The following ENTREP2 variants were observed in gnomAD, a reference collection of about 807,000 sequenced individuals.
The protein encoded by ENTREP2 is protein ENTREP2.
chr15:29,167,249 A>G, the ENTREP2 span, among the ~76,000 whole-genome samples: 13 of 152,234 alleles, frequency 8.5e-5, no homozygotes, highest in African/African-American at 2.7e-4. Context: ...CCTTCTAGGC[A>G]TTGGCTTAGG....
the ENTREP2 span, among the ~76,000 whole-genome samples, chr15:29,607,773 G>A: frequency 6.7e-6 from 1 of 148,696 alleles, no homozygotes; most frequent in Non-Finnish European, 1.5e-5. Flanking sequence ...GGGTTCCCTA[G>A]GGGGACAGAA....
At chr15:29,298,441 A>G in the ENTREP2 span, among the ~76,000 whole-genome samples, 12 of 152,308 alleles carry the variant, frequency 7.9e-5, no homozygotes, top group South Asian at 2.5e-3. Flanking sequence ...CAATTCATTG[A>G]TAATTAATAA....
chr15:29,327,883 G>GT, the ENTREP2 span, among the ~76,000 whole-genome samples: 1 of 152,132 alleles, frequency 6.6e-6, no homozygotes, highest in African/African-American at 2.4e-5. Context: ...TAGGAAAACA[G>GT]TTTAAAAGTT....
At chr15:29,574,631 G>A in the ENTREP2 span, among the ~76,000 whole-genome samples, 1 of 152,328 alleles carries the variant, frequency 6.6e-6, no homozygotes, top group South Asian at 2.1e-4. Flanking sequence ...CAAGGTGGCT[G>A]AGCTTCTTGC....
the ENTREP2 span, among the ~76,000 whole-genome samples, chr15:29,354,857 G>C: frequency 6.6e-6 from 1 of 152,168 alleles, no homozygotes; most frequent in Non-Finnish European, 1.5e-5. Context: ...TTTCTGTAGA[G>C]CAGTATTTTA....
At chr15:29,135,447 AT>A in the ENTREP2 span, among the ~76,000 whole-genome samples, 2 of 152,038 alleles carry the variant, frequency 1.3e-5, no homozygotes, top group Non-Finnish European at 2.9e-5. This position sits in a 1 kb window ranked among gnomAD's most constrained non-coding sequence, Gnocchi z 7.4. Context: ...CCCTTGCACT[AT>A]GGGCCACGTG....
chr15:29,157,317 T>C, the ENTREP2 span, among the ~76,000 whole-genome samples: 3 of 152,052 alleles, frequency 2.0e-5, no homozygotes, highest in Non-Finnish European at 2.9e-5. Context: ...TGCGGGCCCC[T>C]GTGTGTCCTC....
At chr15:29,551,117 AC>A in the ENTREP2 span, among the ~76,000 whole-genome samples, 17 of 152,198 alleles carry the variant, frequency 1.1e-4, no homozygotes, top group East Asian at 2.7e-3. Context: ...TGGTTTGAAC[AC>A]CCTTCCTACA....
chr15:29,195,038 G>T, the ENTREP2 span: 1 of 852,796 alleles, frequency 1.2e-6, no homozygotes, highest in Non-Finnish European at 1.4e-6. Context: ...CAGACCTCAG[G>T]CACTGACCCA....
At chr15:29,536,728 C>G in the ENTREP2 span, among the ~76,000 whole-genome samples, 1 of 152,088 alleles carries the variant, frequency 6.6e-6, no homozygotes, top group Non-Finnish European at 1.5e-5. Context: ...TGGGTGGGCT[C>G]TAATCCAAGA....
chr15:29,176,922 A>C, the ENTREP2 span, among the ~76,000 whole-genome samples: 1 of 151,934 alleles, frequency 6.6e-6, no homozygotes, highest in African/African-American at 2.4e-5. Flanking sequence ...TGGATGATCT[A>C]TTTCTGTAAT....
the ENTREP2 span, among the ~76,000 whole-genome samples, chr15:29,521,998 T>C: frequency 0.012 from 1,779 of 152,276 alleles, 30 homozygotes; most frequent in African/African-American, 0.041. Flanking sequence ...AAATCTTTGA[T>C]AGAGGTGCAA....
At chr15:29,135,275 C>T in the ENTREP2 span, among the ~76,000 whole-genome samples, 26 of 152,232 alleles carry the variant, frequency 1.7e-4, no homozygotes, top group Middle Eastern at 3.4e-3. This position sits in a 1 kb window ranked among gnomAD's most constrained non-coding sequence, Gnocchi z 7.4. Flanking sequence ...ACTGGACTGT[C>T]GGCCTCTCTA....
At chr15:29,570,913 G>A in the ENTREP2 span, among the ~76,000 whole-genome samples, 1 of 143,888 alleles carries the variant, frequency 6.9e-6, no homozygotes, top group Non-Finnish European at 1.5e-5. Flanking sequence ...CGCAGCCCCC[G>A]CCGGTGCCCG....
At chr15:29,368,397 C>G in the ENTREP2 span, among the ~76,000 whole-genome samples, 1 of 151,186 alleles carries the variant, frequency 6.6e-6, no homozygotes, top group Non-Finnish European at 1.5e-5. Flanking sequence ...TATATACACA[C>G]ATACACACAC....
the ENTREP2 span, among the ~76,000 whole-genome samples, chr15:29,607,595 C>T: frequency 6.6e-6 from 1 of 152,214 alleles, no homozygotes; most frequent in East Asian, 1.9e-4. Flanking sequence ...CAGAAGCTTG[C>T]TGTTTTATGA....
chr15:29,119,813 C>CCACT, the ENTREP2 span, among the ~76,000 whole-genome samples: 1 of 152,204 alleles, frequency 6.6e-6, no homozygotes, highest in Non-Finnish European at 1.5e-5. Context: ...GAACGGGATT[C>CCACT]CACTCAGGAG....
chr15:29,500,531 T>G, the ENTREP2 span, among the ~76,000 whole-genome samples: 647 of 152,098 alleles, frequency 4.3e-3, 8 homozygotes, highest in African/African-American at 0.015. Flanking sequence ...TAGAAAATAC[T>G]TTGAGATAAA....
chr15:29,523,827 A>G, the ENTREP2 span, among the ~76,000 whole-genome samples: 1 of 152,102 alleles, frequency 6.6e-6, no homozygotes, highest in African/African-American at 2.4e-5. Flanking sequence ...ACAACTAGAT[A>G]GCCACATGTG....
Sources: allele counts gnomAD v4.1 joint callset (sites outside exome capture counted in the v4.1 genomes callset), GRCh38; gene constraint gnomAD v4.1.1; non-coding constraint Gnocchi (gnomAD v3.1); transcripts MANE v1.5; gene names NCBI Gene and HGNC (gene_info 2026-07-23, HGNC 2026-07-21).